PSMD5: variants seen among roughly 807,000 people sequenced by gnomAD.
PSMD5 encodes the protein proteasome 26S subunit, non-ATPase 5, also known as 26S proteasome non-ATPase regulatory subunit 5.
A neutral mutation model predicts 52.1 loss-of-function variants in PSMD5; 40 were observed. The ratio of observed to expected loss-of-function variants is 0.77; its 90% CI spans 0.60 to 1.00. PSMD5 has a LOEUF of 1.00. Ranked by LOEUF, PSMD5 falls within the 50% of genes least tolerant of loss-of-function variation. The pLI, the probability that PSMD5 is intolerant of heterozygous loss-of-function variation, is 0.00. For missense variants in PSMD5, 575 were observed against 605.2 expected, an observed-to-expected ratio of 0.95 and a Z score of 0.52; for synonymous variants, 211 against 226.6, an observed-to-expected ratio of 0.93 and a Z score of 0.62.
chr9:120,828,199 C>T (rs942753924), intron 5 of PSMD5, among the ~76,000 whole-genome samples: 8 of 152,002 alleles, frequency 5.3e-5, no homozygotes, highest in African/African-American at 9.7e-5. Context: ...AGGGTTTCAC[C>T]GTATTGGCCA....
At chr9:120,829,632 G>C (rs1220562426) in intron 4 of PSMD5, among the ~76,000 whole-genome samples, 1 of 152,196 alleles carries the variant, frequency 6.6e-6, no homozygotes, top group African/African-American at 2.4e-5. Context: ...CTGCCCTCAA[G>C]TGATCTGCCC....
intron 4 of PSMD5, 90 bp from the exon 5 acceptor site, chr9:120,829,298 G>T: frequency 1.5e-6 from 2 of 1,302,952 alleles, no homozygotes; most frequent in East Asian, 2.8e-5. Flanking sequence ...TGTAGGACTA[G>T]GTACTTTTTA....
chr9:120,842,688 T>G, intron 1 of PSMD5, 49 bp downstream of exon 1: 1 of 1,602,540 alleles, frequency 6.2e-7, no homozygotes, highest in Admixed American at 1.7e-5. Flanking sequence ...CTCATGTCCA[T>G]ATTTAGGGGT....
At chr9:120,826,993 T>A in intron 5 of PSMD5, 86 bp from the exon 6 acceptor site, 1 of 1,301,944 alleles carries the variant, frequency 7.7e-7, no homozygotes, top group Non-Finnish European at 1.0e-6. Flanking sequence ...TTATCTTATT[T>A]AATTCTTCTT....
At chr9:120,833,220 G>C (rs1050121008) in intron 2 of PSMD5, 92 bp downstream of exon 2, 43 of 1,393,846 alleles carry the variant, frequency 3.1e-5, no homozygotes, top group Non-Finnish European at 4.0e-5. Context: ...GAAGGAGAGA[G>C]AGAAATACTG....
chr9:120,838,058 C>A (rs1034332276), intron 1 of PSMD5, among the ~76,000 whole-genome samples: 4 of 152,062 alleles, frequency 2.6e-5, no homozygotes, highest in African/African-American at 9.7e-5. Context: ...CCATGTCTGG[C>A]CAAAATAAAG....
At chr9:120,832,217 T>TAC (rs1422189849) in intron 2 of PSMD5, among the ~76,000 whole-genome samples, 2 of 152,198 alleles carry the variant, frequency 1.3e-5, no homozygotes, top group African/African-American at 4.8e-5. Context: ...TATGTTTAGC[T>TAC]ACACTGACCT....
chr9:120,827,025 A>G (rs774737359), intron 5 of PSMD5, 118 bp from the exon 6 acceptor site: 4 of 1,070,512 alleles, frequency 3.7e-6, no homozygotes, highest in Admixed American at 5.6e-5. Context: ...AAGGTCAATA[A>G]TCTTGGCTCC....
Position 120,833,367 on chromosome 9 carries a change from AG to A in PSMD5, c.262del (p.Leu88CysfsTer5), listed in dbSNP as rs776579414. On this transcript the variant is annotated frameshift_variant, in exon 2 of 10. Coordinates refer to ENST00000210313, the MANE Select transcript of PSMD5 (RefSeq NM_005047.4). LOFTEE classifies it high-confidence loss of function. Reference sequence around the variant, plus strand: ...ATCAGGGTGAATTAGTCCCCTCTGCAGGTCAACCCTGAGGTTCCGGGCCACG... The same window carrying A: ...ATCAGGGTGAATTAGTCCCCTCTGCAGTCAACCCTGAGGTTCCGGGCCACG... ...VHVARNLRVD[L>X]QRGLIHPDDS... 1.2e-6 allele frequency: 2 copies of A among 1,614,010 alleles called. No individual in the cohort carries two copies. Among genetic ancestry groups the A allele is most frequent in the African/African-American group, 2.7e-5 (2 of 74,932 alleles).
chr9:120,821,249 G>A (rs1312353975), intron 8 of PSMD5, 106 bp downstream of exon 8: 2 of 830,564 alleles, frequency 2.4e-6, no homozygotes, highest in South Asian at 2.0e-5. Context: ...CATATAATGA[G>A]GGTTATCTTC....
chr9:120,831,786 C>T (rs1588070359), intron 3 of PSMD5, 46 bp downstream of exon 3: 1 of 1,572,780 alleles, frequency 6.4e-7, no homozygotes, highest in Non-Finnish European at 8.6e-7. Context: ...TCTTTTGGGA[C>T]ACCGATGTCT....
At chr9:120,818,272 AC>A in intron 9 of PSMD5, 109 bp from the exon 10 acceptor site, 3 of 1,129,154 alleles carry the variant, frequency 2.7e-6, no homozygotes, top group Non-Finnish European at 3.6e-6. Flanking sequence ...TAAAAATGTT[AC>A]CTTTTGTCTA....
In PSMD5 at chr9:120,817,737, C is replaced by T. The variant is rs1296303950; in HGVS notation, c.*169G>A. Reference sequence around the variant, plus strand: ...AATGCATTCCAAACTCCTAGTTCCACTTTGCATTTCAATGTAGAAATATAA... The same window carrying T: ...AATGCATTCCAAACTCCTAGTTCCATTTTGCATTTCAATGTAGAAATATAA... On this transcript the variant is annotated 3_prime_UTR_variant, in exon 10 of 10. Transcript: ENST00000210313. 3 of 775,286 alleles carry T rather than the reference C, an allele frequency of 3.9e-6. No homozygotes were observed. The highest frequency in any genetic ancestry group is 6.0e-6 in the Non-Finnish European group (3 of 499,826). 48.0% of individuals were successfully genotyped at this position (775,286 alleles called of 1,614,324 possible).
intron 9 of PSMD5, among the ~76,000 whole-genome samples, 153 bp downstream of exon 9, chr9:120,820,685 CT>C (rs1380224697): frequency 6.6e-6 from 1 of 152,214 alleles, no homozygotes; most frequent in African/African-American, 2.4e-5. Flanking sequence ...GTTTACACAT[CT>C]GTCTCCTTAC....
intron 1 of PSMD5, chr9:120,841,697 G>A (rs371915002): frequency 3.3e-5 from 5 of 152,168 alleles, no homozygotes; most frequent in African/African-American, 1.2e-4. Context: ...CAGAGTAATA[G>A]CGCATAATTT....
intron 1 of PSMD5, among the ~76,000 whole-genome samples, chr9:120,837,107 T>C (rs1206548923): frequency 6.6e-6 from 1 of 152,122 alleles, no homozygotes; most frequent in Non-Finnish European, 1.5e-5. Context: ...GCCAGGATGG[T>C]CTCTATCTCC....
intron 6 of PSMD5, chr9:120,826,539 A>C (rs576028657): frequency 2.1e-6 from 1 of 482,792 alleles, no homozygotes; most frequent in East Asian, 3.3e-5. Flanking sequence ...CCCTCCCTGC[A>C]TCCATAGGAT....
intron 1 of PSMD5, among the ~76,000 whole-genome samples, chr9:120,839,834 G>C (rs2045221862): frequency 7.7e-6 from 1 of 129,482 alleles, no homozygotes; most frequent in African/African-American, 3.0e-5. Flanking sequence ...ACAGAGTCTT[G>C]GCTGGGCGCA....
chr9:120,834,287 T>C (rs1349343306), intron 1 of PSMD5, among the ~76,000 whole-genome samples: 1 of 152,060 alleles, frequency 6.6e-6, no homozygotes, highest in South Asian at 2.1e-4. Context: ...GCCCGATATA[T>C]TCTCTAGTCT....
Sources: gnomAD v4.1 joint callset for allele counts (sites outside exome capture counted in the v4.1 genomes callset) on GRCh38, gnomAD v4.1.1 for gene constraint, MANE v1.5 for transcripts, NCBI Gene and HGNC (gene_info 2026-07-23, HGNC 2026-07-21) for gene names.